Variants in RANBP17 observed in about 807,000 individuals in gnomAD.
The protein encoded by RANBP17 is ran-binding protein 17.
A neutral mutation model predicts 141.2 loss-of-function variants in RANBP17; 158 were observed. The observed-to-expected ratio is 1.12, with a 90% CI of 0.98 to 1.28. The LOEUF (loss-of-function observed/expected upper bound fraction) is 1.28, where lower values mean the gene tolerates loss of function less well. RANBP17 is among the 50% of genes most tolerant of loss of function. The pLI is 0.00. For synonymous variants in RANBP17, 430 were observed against 450.0 expected (o/e 0.96, Z 0.56); for missense variants, 1,438 against 1,290.7 (o/e 1.11, Z -1.75).
intron 20 of RANBP17, among the ~76,000 whole-genome samples, chr5:171,209,749 A>G (rs1242754847): frequency 6.6e-6 from 1 of 152,244 alleles, no homozygotes; most frequent in Admixed American, 6.5e-5. Flanking sequence ...GGCATTTGCC[A>G]GACATAAGAG....
intron 14 of RANBP17, among the ~76,000 whole-genome samples, chr5:170,978,063 C>G (rs943976243): frequency 6.6e-6 from 1 of 151,924 alleles, no homozygotes; most frequent in African/African-American, 2.4e-5. Context: ...TCAACAAGCA[C>G]TGAAAAAAGG....
intron 14 of RANBP17, among the ~76,000 whole-genome samples, chr5:170,990,587 A>T (rs1004307037): frequency 1.3e-5 from 2 of 151,968 alleles, no homozygotes; most frequent in Admixed American, 6.6e-5. Context: ...TGGTAAAAAA[A>T]TATACTGTTT....
intron 4 of RANBP17, among the ~76,000 whole-genome samples, chr5:170,894,214 C>T (rs531410816): frequency 6.6e-6 from 1 of 152,224 alleles, no homozygotes; most frequent in African/African-American, 2.4e-5. Context: ...TAGCATCCCC[C>T]TTTTGTCTTT....
intron 25 of RANBP17, among the ~76,000 whole-genome samples, chr5:171,274,311 C>G (rs1430559518): frequency 1.3e-5 from 2 of 151,962 alleles, no homozygotes. Context: ...CTCAAGAGAT[C>G]CGTTTAGAAA....
Position 171,069,453 on chromosome 5 carries a change from T to C in RANBP17, c.1711-100677T>C, listed in dbSNP as rs551682809. 1.6e-3 allele frequency among the ~76,000 whole-genome samples: 248 copies of C among 152,366 alleles called. 1 individual carries two copies. The highest frequency in any genetic ancestry group is 3.2e-3 in the Non-Finnish European group (220 of 68,030). On this transcript the variant is annotated intron_variant, in intron 14 of 27. Coordinates refer to ENST00000523189, the MANE Select transcript of RANBP17 (RefSeq NM_022897.5). ...CTGAAATCATTGATTCTGAGAGTTC[T>C]TGCTAGCTCAATGGTTTCAGTGGAG...
rs145806707 is a variant in RANBP17 at position 171,204,965 on chromosome 5, A to T, written c.2143-559A>T. ...CGAGTCTTATGACATCAAATATAGA[A>T]CTCTTTTCCTTACATCTTCCTCACT... On this transcript the variant is annotated intron_variant, in intron 19 of 27. Transcript: ENST00000523189. 1.1e-3 allele frequency among the ~76,000 whole-genome samples: 160 copies of T among 152,012 alleles called. 2 individuals carry two copies. The highest frequency in any genetic ancestry group is 1.0e-3 in the Admixed American group (16 of 15,270).
intron 14 of RANBP17, among the ~76,000 whole-genome samples, chr5:171,130,532 GT>G (rs1756837103): frequency 6.9e-6 from 1 of 145,918 alleles, no homozygotes; most frequent in Non-Finnish European, 1.5e-5. Flanking sequence ...CTCCTCTGGG[GT>G]TCAGGCGATT....
At chr5:171,038,673 T>C (rs1346379757) in intron 14 of RANBP17, among the ~76,000 whole-genome samples, 2 of 152,196 alleles carry the variant, frequency 1.3e-5, no homozygotes, top group African/African-American at 4.8e-5. Flanking sequence ...TTGGATTTTA[T>C]TGAAAGTTTT....
chr5:170,912,001 C>T (rs146671774), intron 7 of RANBP17, among the ~76,000 whole-genome samples: 4 of 151,880 alleles, frequency 2.6e-5, no homozygotes, highest in Non-Finnish European at 5.9e-5. Flanking sequence ...TTTTCTCTAC[C>T]TGTGCTACTT....
chr5:171,006,098 A>T (rs1395517988), intron 14 of RANBP17, among the ~76,000 whole-genome samples: 1 of 152,184 alleles, frequency 6.6e-6, no homozygotes, highest in Non-Finnish European at 1.5e-5. Context: ...AGGAAACAAC[A>T]GGTGCTGGAG....
rs199528889 is a variant in RANBP17 at position 171,128,157 on chromosome 5, C to CA, written c.1711-41964dup. 6.4e-3 allele frequency among the ~76,000 whole-genome samples: 951 copies of CA among 149,370 alleles called. 13 individuals are homozygous for CA. Among genetic ancestry groups the CA allele is most frequent in the African/African-American group, 0.023 (916 of 40,552 alleles). On this transcript the variant is annotated intron_variant, in intron 14 of 27. Transcript: ENST00000523189. ...TGGGTGACAGAGTGAGACTCCGTCT[C>CA]AAAAAAAAAGAATATCAGTATATCA...
At chr5:170,917,633 T>C (rs1411951729) in intron 9 of RANBP17, among the ~76,000 whole-genome samples, 1 of 152,190 alleles carries the variant, frequency 6.6e-6, no homozygotes, top group African/African-American at 2.4e-5. Context: ...GTTATGCATT[T>C]ATTTTATCTT....
intron 14 of RANBP17, among the ~76,000 whole-genome samples, chr5:171,062,866 T>G (rs1343525958): frequency 6.6e-6 from 1 of 152,094 alleles, no homozygotes; most frequent in Non-Finnish European, 1.5e-5. Flanking sequence ...TTTCTTTTTA[T>G]TCTTTTTTCT....
chr5:171,270,189 T>C (rs1458657533), intron 25 of RANBP17, among the ~76,000 whole-genome samples: 2 of 152,238 alleles, frequency 1.3e-5, no homozygotes, highest in African/African-American at 4.8e-5. Flanking sequence ...GTGTTTATTA[T>C]TCTCTTCTAT....
chr5:170,887,779 C>T (rs953054587), intron 3 of RANBP17, among the ~76,000 whole-genome samples: 3 of 152,132 alleles, frequency 2.0e-5, no homozygotes, highest in Admixed American at 6.6e-5. Context: ...GATCAAGGGG[C>T]TGGCATCTGG....
intron 13 of RANBP17, among the ~76,000 whole-genome samples, chr5:170,967,319 G>A (rs1471622465): frequency 1.3e-5 from 2 of 152,100 alleles, no homozygotes; most frequent in African/African-American, 4.8e-5. Context: ...ATGTTCATGT[G>A]TGCATATATG....
At chr5:170,958,402 A>G (rs1775897094) in intron 13 of RANBP17, among the ~76,000 whole-genome samples, 2 of 152,034 alleles carry the variant, frequency 1.3e-5, no homozygotes, top group South Asian at 4.1e-4. Context: ...AAGTGGCTGA[A>G]GCCAGGGGTG....
intron 5 of RANBP17, among the ~76,000 whole-genome samples, chr5:170,909,016 T>C (rs998925209): frequency 6.6e-6 from 1 of 151,944 alleles, no homozygotes; most frequent in Non-Finnish European, 1.5e-5. Context: ...ATGGAAATAC[T>C]AATGGTATGA....
At chr5:171,231,195 G>T (rs79376869) in intron 22 of RANBP17, among the ~76,000 whole-genome samples, 3,345 of 145,576 alleles carry the variant, frequency 0.023, 119 homozygotes, top group African/African-American at 0.079. Flanking sequence ...GCAATCCTCC[G>T]CACTCAGCCT....
Sources: gnomAD v4.1 joint callset for allele counts (sites outside exome capture counted in the v4.1 genomes callset) on GRCh38, gnomAD v4.1.1 for gene constraint, MANE v1.5 for transcripts, NCBI Gene and HGNC (gene_info 2026-07-23, HGNC 2026-07-21) for gene names.